AKR1E2: variants seen among roughly 807,000 people sequenced by gnomAD.
The protein encoded by AKR1E2 is 1,5-anhydro-D-fructose reductase.
AKR1E2 carries 43 observed loss-of-function variants against 41.9 expected under a neutral mutation model. The observed-to-expected ratio is 1.03, with a 90% CI of 0.80 to 1.32. AKR1E2 has a LOEUF of 1.32. AKR1E2 is among the 40% of genes most tolerant of loss of function. The probability of loss-of-function intolerance (pLI) is 0.00; values close to 1 mark genes in which losing one functional copy is unlikely to be tolerated. For missense variants in AKR1E2, 423 were observed against 396.5 expected, an observed-to-expected ratio of 1.07 and a Z score of -0.57; for synonymous variants, 121 against 138.9, an observed-to-expected ratio of 0.87 and a Z score of 0.91.
chr10:4,825,052 GCA>G (rs746866256), upstream of AKR1E2: 2 of 454,644 alleles, frequency 4.4e-6, no homozygotes, highest in South Asian at 3.1e-5. Context: ...AGTGCTCCAG[GCA>G]CAGTTTCTGA....
At chr10:4,841,611 C>T (rs899437162) in intron 6 of AKR1E2, among the ~76,000 whole-genome samples, 174 bp from the exon 7 acceptor site, 1 of 152,078 alleles carries the variant, frequency 6.6e-6, no homozygotes, top group South Asian at 2.1e-4. Flanking sequence ...GTGGTTATCT[C>T]CATACTGGAA....
chr10:4,868,002 G>T, the AKR1E2 span, among the ~76,000 whole-genome samples: 2 of 152,140 alleles, frequency 1.3e-5, no homozygotes, highest in Non-Finnish European at 2.9e-5. Flanking sequence ...TTTTAAGATG[G>T]TGCAGCTTAG....
At chr10:4,831,927 G>A (rs550318594) in intron 2 of AKR1E2, among the ~76,000 whole-genome samples, 1 of 152,300 alleles carries the variant, frequency 6.6e-6, no homozygotes, top group Admixed American at 6.5e-5. Flanking sequence ...GCAGAGGCAG[G>A]AGGCCAGGTA....
At chr10:4,848,545 T>A (rs926656523), downstream of AKR1E2, among the ~76,000 whole-genome samples, 54 of 152,198 alleles carry the variant, frequency 3.5e-4, no homozygotes, top group Admixed American at 3.5e-3. Context: ...TGGCTCCTAT[T>A]CAAAATGAGT....
the AKR1E2 span, among the ~76,000 whole-genome samples, chr10:4,862,960 C>G: frequency 1.3e-5 from 2 of 152,082 alleles, no homozygotes; most frequent in African/African-American, 4.8e-5. Flanking sequence ...ATTCATAAAG[C>G]AAGTCCTTAG....
the AKR1E2 span, among the ~76,000 whole-genome samples, chr10:4,862,644 C>T: frequency 6.6e-6 from 1 of 152,104 alleles, no homozygotes; most frequent in African/African-American, 2.4e-5. Flanking sequence ...AGAGGTCCTT[C>T]ACATCCCTTG....
rs2131579734 is a variant in AKR1E2 at position 4,847,852 on chromosome 10, G to A, written c.*322G>A. 3.1e-6 allele frequency: 1 copy of A among 318,718 alleles called. No homozygotes were observed. The highest frequency in any genetic ancestry group is 6.3e-5 in the East Asian group (1 of 15,866). The allele number at this position is 318,718 out of a possible 1,614,324, so 19.7% of individuals were successfully genotyped here. A position where few individuals can be genotyped will look rare whatever the true frequency, so the allele number is the denominator to read the frequency against. ...TATTTAAGCCATCTACAGAGCTGAG[G>A]AAACAGTGTAATGTGTCTCTGCCCC... On this transcript the variant is annotated 3_prime_UTR_variant, in exon 10 of 10. Transcript: ENST00000298375.
chr10:4,832,732 T>A, intron 2 of AKR1E2, among the ~76,000 whole-genome samples: 1 of 125,208 alleles, frequency 8.0e-6, no homozygotes, highest in South Asian at 2.3e-4. Context: ...TCTTTTACTT[T>A]CTTTTACTTT....
chr10:4,833,577 C>T (rs1374908649), intron 3 of AKR1E2, 111 bp downstream of exon 3: 1 of 882,106 alleles, frequency 1.1e-6, no homozygotes, highest in Non-Finnish European at 1.8e-6. Flanking sequence ...CAGGGGTTCC[C>T]AGGCTGCATC....
chr10:4,858,310 G>C, the AKR1E2 span, among the ~76,000 whole-genome samples: 1 of 152,050 alleles, frequency 6.6e-6, no homozygotes, highest in South Asian at 2.1e-4. Context: ...AAGAAAAAAA[G>C]GAAAGTTGGG....
chr10:4,848,904 G>C (rs1432378457), downstream of AKR1E2, among the ~76,000 whole-genome samples: 1 of 152,238 alleles, frequency 6.6e-6, no homozygotes, highest in Non-Finnish European at 1.5e-5. Flanking sequence ...CGGTTGTGGA[G>C]ACAGCATCTG....
chr10:4,842,515 T>G lies in AKR1E2; in HGVS notation c.837+11T>G. The G allele has an allele frequency of 6.2e-7, 1 of 1,612,536 alleles. No individual in the cohort carries two copies. The highest frequency in any genetic ancestry group is 8.5e-7 in the Non-Finnish European group (1 of 1,178,718). On this transcript the variant is annotated intron_variant, in intron 8 of 9. Transcript: ENST00000298375. ...AAAGAGAATATCCAGGTAGGTGTAT[T>G]CCTTCTTTTATTTGGCGGGTTTCAG...
chr10:4,853,946 C>G, the AKR1E2 span, among the ~76,000 whole-genome samples: 1 of 152,146 alleles, frequency 6.6e-6, no homozygotes, highest in African/African-American at 2.4e-5. Context: ...GGGAGCTACC[C>G]TATAGGGTCT....
At chr10:4,826,623 T>G (rs953364125) in intron 1 of AKR1E2, among the ~76,000 whole-genome samples, 1 of 151,988 alleles carries the variant, frequency 6.6e-6, no homozygotes, top group African/African-American at 2.4e-5. Context: ...AGCCTCAGAC[T>G]CTGGGGCTGC....
chr10:4,851,143 G>A (rs1373909809), downstream of AKR1E2, among the ~76,000 whole-genome samples: 1 of 152,240 alleles, frequency 6.6e-6, no homozygotes, highest in African/African-American at 2.4e-5. Flanking sequence ...CTCTGGCTGG[G>A]TTTGGGCACA....
At chr10:4,842,174 T>C (rs1330719943) in intron 7 of AKR1E2, among the ~76,000 whole-genome samples, 3 of 152,220 alleles carry the variant, frequency 2.0e-5, no homozygotes, top group Admixed American at 6.5e-5. Flanking sequence ...TTCTTTGTTC[T>C]AATGTCCAGT....
Position 4,826,290 on chromosome 10 carries a change from G to C in AKR1E2, c.-35G>C. 8.2e-7 allele frequency: 1 copy of C among 1,222,986 alleles called. No individual in the cohort carries two copies. Among genetic ancestry groups the C allele is most frequent in the South Asian group, 4.1e-5 (1 of 24,152 alleles). 75.8% of individuals were successfully genotyped at this position (1,222,986 alleles called of 1,614,324 possible). On this transcript the variant is annotated 5_prime_UTR_variant, in exon 1 of 10. Transcript: ENST00000298375. ...GCGGTGCCTGTCGGTAGTCGCGTGC[G>C]GGGCGGCGGGGCGGCGGGGCGGCCG...
chr10:4,832,677 G>A (rs375169062), intron 2 of AKR1E2, among the ~76,000 whole-genome samples: 1 of 152,076 alleles, frequency 6.6e-6, no homozygotes, highest in Non-Finnish European at 1.5e-5. Flanking sequence ...TTTTATTTTT[G>A]TGAAGATACT....
rs751902623 is a variant in AKR1E2 at position 4,837,528 on chromosome 10, C to T, written c.529C>T (p.Leu177Phe). The change falls in exon 5 of 10, where the codon CTT becomes TTT. Residue 177 changes from leucine to phenylalanine, a missense_variant. By Grantham distance (22) the Leu-to-Phe change is conservative (BLOSUM62 0). Coordinates refer to ENST00000298375, the MANE Select transcript of AKR1E2 (RefSeq NM_001040177.3). ...IGVSNFNHEQ[L>F]ERLLNKPGLR... ...GGTGTCAAACTTCAACCATGAACAG[C>T]TTGAGAGGCTTTTGAATAAGCCTGG... is the stretch of plus-strand genomic sequence containing the variant. The T allele has an allele frequency of 2.5e-6, 4 of 1,614,124 alleles. No individual in the cohort carries two copies. The highest frequency in any genetic ancestry group is 2.5e-6 in the Non-Finnish European group (3 of 1,180,022).
Sources: allele counts gnomAD v4.1 joint callset (sites outside exome capture counted in the v4.1 genomes callset), GRCh38; gene constraint gnomAD v4.1.1; transcripts MANE v1.5; gene names NCBI Gene and HGNC (gene_info 2026-07-23, HGNC 2026-07-21).